Variants in SDK1 observed in about 807,000 individuals in gnomAD.
SDK1 encodes protein sidekick-1.
SDK1 carries 157 observed loss-of-function variants against 245.5 expected under a neutral mutation model. The ratio of observed to expected loss-of-function variants is 0.64; its 90% CI spans 0.56 to 0.73. The LOEUF (loss-of-function observed/expected upper bound fraction) is 0.73. Among genes scored for constraint, SDK1 ranks in the 30% least tolerant of loss-of-function variants. The pLI is 0.00. For synonymous variants in SDK1, 1,647 were observed against 1,278.5 expected, an observed-to-expected ratio of 1.29 and a Z score of -6.15; for missense variants, 3,583 against 3,002.3, an observed-to-expected ratio of 1.19 and a Z score of -4.52.
intron 2 of SDK1, among the ~76,000 whole-genome samples, chr7:3,634,525 C>A (rs1164982198): frequency 2.0e-5 from 3 of 152,174 alleles, no homozygotes; most frequent in African/African-American, 4.8e-5. Flanking sequence ...TGCAAACATT[C>A]CCTGCTGTGT....
chr7:3,510,456 C>T (rs140626801), intron 1 of SDK1, among the ~76,000 whole-genome samples: 6 of 152,276 alleles, frequency 3.9e-5, no homozygotes, highest in East Asian at 3.9e-4. Flanking sequence ...AAATCACTGA[C>T]GTGAGGCGGA....
intron 4 of SDK1, among the ~76,000 whole-genome samples, chr7:3,782,128 C>CTCA (rs1213034763): frequency 3.9e-5 from 6 of 152,286 alleles, no homozygotes; most frequent in African/African-American, 1.4e-4. Context: ...GTTTCATGGG[C>CTCA]TCATGGTTCT....
At chr7:3,643,433 C>T (rs151273186) in intron 4 of SDK1, 209 of 144,038 alleles carry the variant, frequency 1.5e-3, no homozygotes, top group African/African-American at 5.1e-3. Flanking sequence ...CTCCTACCCC[C>T]ACCTGAGCAT....
At chr7:4,003,830 G>T (rs1010775409) in intron 14 of SDK1, among the ~76,000 whole-genome samples, 2 of 152,234 alleles carry the variant, frequency 1.3e-5, no homozygotes, top group African/African-American at 4.8e-5. Context: ...TGTTGTGGTG[G>T]AGGGGAGCCT....
At chr7:4,063,657 C>G (rs1363426809) in intron 19 of SDK1, among the ~76,000 whole-genome samples, 1 of 148,972 alleles carries the variant, frequency 6.7e-6, no homozygotes, top group Non-Finnish European at 1.5e-5. Context: ...GCCCAAATAG[C>G]CAAAGCAATC....
intron 4 of SDK1, among the ~76,000 whole-genome samples, chr7:3,658,163 T>A (rs1194247537): frequency 1.3e-5 from 2 of 152,156 alleles, no homozygotes; most frequent in African/African-American, 4.8e-5. Flanking sequence ...GATGATCACA[T>A]CCCCTCACAG....
chr7:3,915,795 C>A (rs535127992), intron 5 of SDK1, among the ~76,000 whole-genome samples: 1 of 152,326 alleles, frequency 6.6e-6, no homozygotes, highest in African/African-American at 2.4e-5. Flanking sequence ...GGGTTTTACA[C>A]GTCCTAGCCA....
intron 1 of SDK1, among the ~76,000 whole-genome samples, chr7:3,325,930 G>C (rs1779930209): frequency 6.6e-6 from 1 of 152,066 alleles, no homozygotes; most frequent in Non-Finnish European, 1.5e-5. Flanking sequence ...GCCTAGGAAA[G>C]AACCATCTCG....
intron 1 of SDK1, among the ~76,000 whole-genome samples, chr7:3,357,908 C>G (rs1021056094): frequency 2.6e-5 from 4 of 152,070 alleles, no homozygotes; most frequent in Non-Finnish European, 5.9e-5. Flanking sequence ...ATTACATTTG[C>G]TTTAAAAATA....
intron 1 of SDK1, among the ~76,000 whole-genome samples, chr7:3,428,780 G>A (rs11760339): frequency 6.7e-6 from 1 of 148,194 alleles, no homozygotes; most frequent in East Asian, 1.9e-4. Flanking sequence ...CCCAGCCTTG[G>A]AGTGATGAAA....
chr7:3,465,468 A>T (rs1780969881), intron 1 of SDK1, among the ~76,000 whole-genome samples: 1 of 152,102 alleles, frequency 6.6e-6, no homozygotes, highest in South Asian at 2.1e-4. Flanking sequence ...CACTAGGGAT[A>T]CTCTCTTGTG....
chr7:3,573,648 C>G (rs1374299484), intron 1 of SDK1, among the ~76,000 whole-genome samples: 4 of 152,022 alleles, frequency 2.6e-5, no homozygotes, highest in Admixed American at 6.5e-5. Context: ...ATCAAATGAT[C>G]TTCTTCCCAG....
intron 11 of SDK1, 107 bp downstream of exon 11, chr7:3,969,531 CAAAAG>C (rs926210493): frequency 2.6e-6 from 2 of 754,972 alleles, no homozygotes; most frequent in Non-Finnish European, 3.8e-6. Flanking sequence ...CTAATTTAAT[CAAAAG>C]AGAATGATTA....
At chr7:3,698,856 C>A (rs1482869556) in intron 4 of SDK1, among the ~76,000 whole-genome samples, 5 of 152,200 alleles carry the variant, frequency 3.3e-5, no homozygotes, top group Non-Finnish European at 5.9e-5. Flanking sequence ...TCCCAAATGT[C>A]CTATCTCTAA....
At chr7:3,679,869 C>G (rs554848126) in intron 4 of SDK1, among the ~76,000 whole-genome samples, 5 of 152,182 alleles carry the variant, frequency 3.3e-5, no homozygotes, top group Non-Finnish European at 5.9e-5. Flanking sequence ...ACAAAACATA[C>G]GCTTACCATA....
At chr7:3,713,796 C>G (rs1243388729) in intron 4 of SDK1, among the ~76,000 whole-genome samples, 2 of 152,136 alleles carry the variant, frequency 1.3e-5, no homozygotes, top group African/African-American at 4.8e-5. Context: ...ATGTGATTTG[C>G]TAATGTTAAG....
chr7:3,576,305 G>C (rs1229259867), intron 1 of SDK1, among the ~76,000 whole-genome samples: 1 of 152,122 alleles, frequency 6.6e-6, no homozygotes, highest in Non-Finnish European at 1.5e-5. Flanking sequence ...GCCACACCCA[G>C]GTGAAAGCTT....
chr7:4,242,047 T>C, intron 43 of SDK1, 134 bp downstream of exon 43: 1 of 1,056,098 alleles, frequency 9.5e-7, no homozygotes, highest in Non-Finnish European at 1.4e-6. Context: ...CACCGCCAAG[T>C]GCGCTCCCAA....
intron 1 of SDK1, among the ~76,000 whole-genome samples, chr7:3,613,108 C>G (rs1403148429): frequency 6.6e-6 from 1 of 152,122 alleles, no homozygotes; most frequent in Non-Finnish European, 1.5e-5. Context: ...TAGTTGATTC[C>G]TATTCATTCT....
Sources: gnomAD v4.1 joint callset for allele counts (sites outside exome capture counted in the v4.1 genomes callset) on GRCh38, gnomAD v4.1.1 for gene constraint, MANE v1.5 for transcripts, NCBI Gene and HGNC (gene_info 2026-07-23, HGNC 2026-07-21) for gene names.